The following TENM3 variants were observed in gnomAD, a reference collection of about 807,000 sequenced individuals.
TENM3 encodes teneurin-3.
TENM3 carries 63 observed loss-of-function variants against 255.1 expected under a neutral mutation model. The ratio of observed to expected loss-of-function variants is 0.25; its 90% CI spans 0.20 to 0.30. TENM3 has a LOEUF of 0.30. TENM3 is among the 10% of genes least tolerant of loss of function. The pLI is 1.00. For synonymous variants in TENM3, 1,306 were observed against 1,322.3 expected (o/e 0.99, Z 0.27); for missense variants, 2,929 against 3,461.1 (o/e 0.85, Z 3.86).
the TENM3 span, among the ~76,000 whole-genome samples, chr4:182,121,827 T>C: frequency 2.0e-5 from 3 of 152,136 alleles, no homozygotes. Flanking sequence ...AACAGTGAAG[T>C]TGCCCCATTG....
chr4:182,066,746 T>TAAAA, the TENM3 span, among the ~76,000 whole-genome samples: 2 of 151,546 alleles, frequency 1.3e-5, no homozygotes, highest in Non-Finnish European at 2.9e-5. Flanking sequence ...CCGTCTCCAC[T>TAAAA]AAAAATACAA....
intron 3 of TENM3, among the ~76,000 whole-genome samples, chr4:182,417,131 G>C (rs868229267): frequency 2.0e-5 from 3 of 151,778 alleles, no homozygotes; most frequent in Non-Finnish European, 4.4e-5. Context: ...CTGCCACCAC[G>C]CCCAGCTAAT....
chr4:181,626,686 A>T, the TENM3 span, among the ~76,000 whole-genome samples: 5,142 of 152,232 alleles, frequency 0.034, 127 homozygotes, highest in Middle Eastern at 0.14. Context: ...TGCCCCTGTG[A>T]TCCAACACCT....
At chr4:182,091,996 G>A in the TENM3 span, among the ~76,000 whole-genome samples, 1 of 152,146 alleles carries the variant, frequency 6.6e-6, no homozygotes, top group African/African-American at 2.4e-5. Flanking sequence ...CCTGTGACCT[G>A]GCAGTTGGGA....
rs1020915888 is a variant in TENM3 at position 182,649,727 on chromosome 4, C to T, written c.989-4044C>T. ...TAGACAGAATAGTGGGAAAGTGCTG[C>T]GTAGAATGGTGCCCAGGACACACAG... On this transcript the variant is annotated intron_variant, in intron 5 of 27. Coordinates refer to ENST00000511685, the MANE Select transcript of TENM3 (RefSeq NM_001080477.4). 3.3e-5 allele frequency among the ~76,000 whole-genome samples: 5 copies of T among 150,214 alleles called. 1 individual carries two copies. Among genetic ancestry groups the T allele is most frequent in the South Asian group, 4.3e-4 (2 of 4,600 alleles).
chr4:181,589,441 A>G, the TENM3 span, among the ~76,000 whole-genome samples: 1 of 152,212 alleles, frequency 6.6e-6, no homozygotes, highest in Non-Finnish European at 1.5e-5. Context: ...TACAATATAC[A>G]CACTTTAAGG....
the TENM3 span, among the ~76,000 whole-genome samples, chr4:182,138,503 C>A: frequency 6.6e-6 from 1 of 152,126 alleles, no homozygotes; most frequent in Non-Finnish European, 1.5e-5. Flanking sequence ...CATGCCAGAT[C>A]AATTAGAAAC....
chr4:182,646,035 T>A (rs6552587), intron 5 of TENM3, among the ~76,000 whole-genome samples: 1 of 151,918 alleles, frequency 6.6e-6, no homozygotes, highest in Non-Finnish European at 1.5e-5. Context: ...TGTCAAGGGG[T>A]TTCTGCTCAC....
intron 3 of TENM3, among the ~76,000 whole-genome samples, chr4:182,465,803 A>G (rs949659848): frequency 6.6e-6 from 1 of 152,218 alleles, no homozygotes; most frequent in African/African-American, 2.4e-5. Context: ...AACAGTTTTT[A>G]TAATACTGTA....
rs967622083 is a variant in TENM3, at chr4:182,517,543, C to G, written c.512-83381C>G. On this transcript the variant is annotated intron_variant, in intron 3 of 27. Transcript: ENST00000511685. ...GGACTACAGGCGCCCGCTACCACGC[C>G]CGGCTAATTTTTTGTATTTTTAGTA... Among the ~76,000 whole-genome samples, 3 of 146,690 alleles carry G rather than the reference C, an allele frequency of 2.0e-5. 1 individual carries two copies. Among genetic ancestry groups the G allele is most frequent in the African/African-American group, 7.6e-5 (3 of 39,520 alleles).
At chr4:182,522,698 C>T (rs1738709825) in intron 3 of TENM3, among the ~76,000 whole-genome samples, 1 of 152,156 alleles carries the variant, frequency 6.6e-6, no homozygotes, top group Non-Finnish European at 1.5e-5. Flanking sequence ...TTGTCTTTAT[C>T]CACTTATCTG....
At chr4:181,541,776 C>T in the TENM3 span, among the ~76,000 whole-genome samples, 2 of 152,296 alleles carry the variant, frequency 1.3e-5, no homozygotes, top group African/African-American at 2.4e-5. Flanking sequence ...GCTTCCTCTG[C>T]CATTCAACAT....
chr4:182,145,682 G>A (rs1161003042), intron 1 of TENM3, among the ~76,000 whole-genome samples: 1 of 152,214 alleles, frequency 6.6e-6, no homozygotes, highest in Non-Finnish European at 1.5e-5. Flanking sequence ...TTTGGAGGTA[G>A]AGAAAAGTTT....
chr4:182,741,425 G>A (rs376771622), intron 18 of TENM3, among the ~76,000 whole-genome samples: 57 of 152,304 alleles, frequency 3.7e-4, no homozygotes, highest in African/African-American at 1.2e-3. Flanking sequence ...TCGTGCGGGC[G>A]CCCTGAAACA....
At chr4:181,492,669 T>A in the TENM3 span, among the ~76,000 whole-genome samples, 1 of 148,474 alleles carries the variant, frequency 6.7e-6, no homozygotes, top group Non-Finnish European at 1.5e-5. Flanking sequence ...GTTCTACAGA[T>A]TTTTTTTATC....
chr4:182,091,345 A>T, the TENM3 span, among the ~76,000 whole-genome samples: 1 of 152,242 alleles, frequency 6.6e-6, no homozygotes, highest in South Asian at 2.1e-4. Flanking sequence ...ATGAGTTGCA[A>T]GGGTGAAAGG....
chr4:181,982,480 C>T, the TENM3 span, among the ~76,000 whole-genome samples: 1 of 152,092 alleles, frequency 6.6e-6, no homozygotes, highest in South Asian at 2.1e-4. Context: ...TAGACACAAG[C>T]TACTTCCATT....
the TENM3 span, among the ~76,000 whole-genome samples, chr4:181,991,935 T>C: frequency 6.6e-6 from 1 of 152,132 alleles, no homozygotes; most frequent in Admixed American, 6.6e-5. Flanking sequence ...CTTGTACTTA[T>C]ATGTCCCTAG....
chr4:181,448,940 T>C, the TENM3 span, among the ~76,000 whole-genome samples: 4 of 152,176 alleles, frequency 2.6e-5, no homozygotes, highest in South Asian at 2.1e-4. Flanking sequence ...TACTATTTGC[T>C]CCACCATATA....
Sources: allele counts gnomAD v4.1 joint callset (sites outside exome capture counted in the v4.1 genomes callset), GRCh38; gene constraint gnomAD v4.1.1; transcripts MANE v1.5; gene names NCBI Gene and HGNC (gene_info 2026-07-23, HGNC 2026-07-21).